The following CPVL variants were observed in gnomAD, a reference collection of about 807,000 sequenced individuals.
CPVL encodes probable serine carboxypeptidase CPVL.
Under a neutral mutation model 63.7 loss-of-function variants are expected in CPVL, and 51 were observed. The ratio of observed to expected loss-of-function variants is 0.80; its 90% CI spans 0.64 to 1.01. The LOEUF (loss-of-function observed/expected upper bound fraction) is 1.01. Ranked by LOEUF, CPVL falls within the 50% of genes least tolerant of loss-of-function variation. CPVL has a pLI of 0.00. For missense variants in CPVL, 530 were observed against 573.1 expected, an observed-to-expected ratio of 0.92 and a Z score of 0.77; for synonymous variants, 195 against 206.0, an observed-to-expected ratio of 0.95 and a Z score of 0.46.
chr7:29,018,784 T>C (rs958599342), intron 12 of CPVL, among the ~76,000 whole-genome samples: 1 of 152,166 alleles, frequency 6.6e-6, no homozygotes, highest in Non-Finnish European at 1.5e-5. Flanking sequence ...ACTCAGATAA[T>C]GAACAGCAAC....
intron 11 of CPVL, among the ~76,000 whole-genome samples, chr7:29,032,346 T>C (rs1250046620): frequency 6.6e-6 from 1 of 152,096 alleles, no homozygotes; most frequent in Non-Finnish European, 1.5e-5. Context: ...GGGCCTTTCA[T>C]GTTACTCAGT....
At chr7:29,088,620 T>C (rs1785445983) in intron 6 of CPVL, among the ~76,000 whole-genome samples, 3 of 152,222 alleles carry the variant, frequency 2.0e-5, no homozygotes, top group Admixed American at 2.0e-4. Context: ...ATGGTGAGCA[T>C]TTTCTAGAAA....
intron 7 of CPVL, among the ~76,000 whole-genome samples, chr7:29,084,405 C>G (rs1388150293): frequency 6.6e-6 from 1 of 152,218 alleles, no homozygotes; most frequent in Non-Finnish European, 1.5e-5. Flanking sequence ...ATTATCTCGT[C>G]AGACAATCTT....
intron 5 of CPVL, 37 bp downstream of exon 5, chr7:29,095,047 C>G (rs1410811951): frequency 3.3e-6 from 5 of 1,517,892 alleles, no homozygotes; most frequent in Non-Finnish European, 4.6e-6. Flanking sequence ...ACAGGAGACG[C>G]CAGCACTGAC....
At chr7:29,120,475 A>C (rs1789250827) in intron 2 of CPVL, among the ~76,000 whole-genome samples, 1 of 151,966 alleles carries the variant, frequency 6.6e-6, no homozygotes. Flanking sequence ...TTGAAATAAA[A>C]CAACTGAGTA....
At chr7:29,138,467 A>G (rs777156791) in intron 1 of CPVL, among the ~76,000 whole-genome samples, 1 of 152,152 alleles carries the variant, frequency 6.6e-6, no homozygotes, top group Admixed American at 6.5e-5. Context: ...AAGAAGAAGA[A>G]GAAAGTAAAA....
rs142947262 is a variant in CPVL, at chr7:29,091,616, G to A, written c.542+1007C>T. On this transcript the variant is annotated intron_variant, in intron 6 of 12. Transcript: ENST00000265394. ...CACTGTATGTGGAAGCAGAAGTGTG[G>A]GGCCCTGGGCATCCCCCTAGAAACT... is the stretch of plus-strand genomic sequence containing the variant. Among the ~76,000 whole-genome samples the A allele has an allele frequency of 3.6e-3, 548 of 152,274 alleles. 4 individuals are homozygous for A. The highest frequency in any genetic ancestry group is 0.013 in the African/African-American group (523 of 41,542).
chr7:29,089,580 G>C (rs1257735419), intron 6 of CPVL, among the ~76,000 whole-genome samples: 2 of 152,042 alleles, frequency 1.3e-5, no homozygotes, highest in Non-Finnish European at 2.9e-5. Flanking sequence ...CCTATCAGTG[G>C]GCCATGTCAG....
intron 7 of CPVL, among the ~76,000 whole-genome samples, chr7:29,076,672 A>G (rs1784281233): frequency 6.6e-6 from 1 of 152,194 alleles, no homozygotes; most frequent in African/African-American, 2.4e-5. Flanking sequence ...AATTTTTCCC[A>G]TGGTGACCAT....
At chr7:29,120,841 G>GTT in intron 2 of CPVL, 52 bp downstream of exon 2, 1 of 1,117,200 alleles carries the variant, frequency 9.0e-7, no homozygotes, top group Non-Finnish European at 1.3e-6. Context: ...AAAAAAAAGA[G>GTT]AAACTGTTGA....
intron 7 of CPVL, among the ~76,000 whole-genome samples, chr7:29,082,687 A>G (rs1298661238): frequency 6.6e-6 from 1 of 152,206 alleles, no homozygotes; most frequent in African/African-American, 2.4e-5. Context: ...AGGTTTCCTT[A>G]AAAGTATTCA....
At chr7:29,056,505 T>C (rs1018290901) in intron 11 of CPVL, among the ~76,000 whole-genome samples, 8 of 152,242 alleles carry the variant, frequency 5.3e-5, no homozygotes, top group African/African-American at 1.9e-4. Context: ...TACATGTCTT[T>C]TCATGGCTTG....
exon 3 of CPVL, chr7:29,185,576 C>T (rs1206931181): frequency 1.3e-5 from 2 of 151,746 alleles, no homozygotes; most frequent in Non-Finnish European, 2.9e-5. Context: ...CTTATCAAAC[C>T]TTAGCAGCAT....
chr7:29,119,533 T>C (rs1789136374), intron 2 of CPVL, among the ~76,000 whole-genome samples: 1 of 150,866 alleles, frequency 6.6e-6, no homozygotes, highest in Non-Finnish European at 1.5e-5. Context: ...TCATAAATTT[T>C]AGCCTCTGAT....
chr7:29,146,968 C>T, upstream of CPVL: 1 of 1,550,886 alleles, frequency 6.4e-7, no homozygotes, highest in Non-Finnish European at 8.7e-7. Flanking sequence ...GCAGTAAGCT[C>T]GCACCAAGTG....
At chr7:29,055,258 T>C (rs1380683877) in intron 11 of CPVL, among the ~76,000 whole-genome samples, 1 of 152,172 alleles carries the variant, frequency 6.6e-6, no homozygotes, top group Non-Finnish European at 1.5e-5. Context: ...TTTATTTATT[T>C]ATTTATTTTG....
intron 12 of CPVL, among the ~76,000 whole-genome samples, chr7:29,017,769 C>T (rs891681362): frequency 2.6e-5 from 4 of 152,230 alleles, no homozygotes; most frequent in African/African-American, 9.6e-5. Flanking sequence ...TTATGGTAGG[C>T]ATGCATATAG....
intron 5 of CPVL, among the ~76,000 whole-genome samples, chr7:29,158,407 C>G (rs1482645681): frequency 6.6e-6 from 1 of 152,138 alleles, no homozygotes; most frequent in Non-Finnish European, 1.5e-5. Context: ...TGATCCATAA[C>G]CAAAGAAAAC....
intron 1 of CPVL, among the ~76,000 whole-genome samples, chr7:29,143,818 C>T (rs1009291786): frequency 5.3e-5 from 8 of 152,310 alleles, no homozygotes; most frequent in Middle Eastern, 3.4e-3. Flanking sequence ...TCTTTCACTA[C>T]CACCACCCTG....
Sources: allele counts gnomAD v4.1 joint callset (sites outside exome capture counted in the v4.1 genomes callset), GRCh38; gene constraint gnomAD v4.1.1; transcripts MANE v1.5; gene names NCBI Gene and HGNC (gene_info 2026-07-23, HGNC 2026-07-21).